The following IL15 variants were observed in gnomAD, a reference collection of about 807,000 sequenced individuals.
IL15 encodes the protein interleukin 15, also known as interleukin-15.
IL15 carries 11 observed loss-of-function variants against 19.6 expected under a neutral mutation model. The observed-to-expected ratio is 0.56, with a 90% CI of 0.35 to 0.93. The LOEUF is 0.93. Ranked by LOEUF, IL15 falls within the 40% of genes least tolerant of loss-of-function variation. The pLI, the probability that IL15 is intolerant of heterozygous loss-of-function variation, is 0.01. For missense variants in IL15, 197 were observed against 186.5 expected, an observed-to-expected ratio of 1.06 and a Z score of -0.33; for synonymous variants, 58 against 59.6, an observed-to-expected ratio of 0.97 and a Z score of 0.12.
At chr4:141,640,479 T>C (rs1727004738) in intron 1 of IL15, among the ~76,000 whole-genome samples, 1 of 152,228 alleles carries the variant, frequency 6.6e-6, no homozygotes, top group Non-Finnish European at 1.5e-5. Flanking sequence ...ACTAAAATGC[T>C]GCTATCCTTA....
intron 5 of IL15, among the ~76,000 whole-genome samples, chr4:141,723,482 G>C (rs890340932): frequency 6.6e-5 from 10 of 152,284 alleles, no homozygotes; most frequent in African/African-American, 2.4e-4. Flanking sequence ...GAACCTTGGG[G>C]AAGTCAAGAA....
At chr4:141,731,208 A>G (rs1339824529) in intron 7 of IL15, among the ~76,000 whole-genome samples, 1 of 152,096 alleles carries the variant, frequency 6.6e-6, no homozygotes, top group Non-Finnish European at 1.5e-5. Context: ...TGATTTACCT[A>G]TTTACAGTTG....
At chr4:141,663,453 T>G (rs1727858272) in intron 2 of IL15, among the ~76,000 whole-genome samples, 2 of 152,184 alleles carry the variant, frequency 1.3e-5, no homozygotes, top group African/African-American at 2.4e-5. Flanking sequence ...AGACTCAGGG[T>G]AAACTATCCA....
intron 1 of IL15, among the ~76,000 whole-genome samples, chr4:141,637,497 A>C (rs1726899425): frequency 6.6e-6 from 1 of 152,080 alleles, no homozygotes; most frequent in South Asian, 2.1e-4. Context: ...TGGAAAAAAT[A>C]CGAGCGAATT....
At chr4:141,637,368 G>C (rs1726895389) in intron 1 of IL15, 1 of 152,398 alleles carries the variant, frequency 6.6e-6, no homozygotes, top group South Asian at 2.1e-4. Context: ...TTCTGGGAGA[G>C]AAATTTGCAG....
intron 1 of IL15, among the ~76,000 whole-genome samples, chr4:141,638,779 C>A (rs1304149646): frequency 1.3e-5 from 2 of 152,194 alleles, no homozygotes; most frequent in African/African-American, 4.8e-5. Flanking sequence ...GCTAGAAGAG[C>A]AGCCCTGAAA....
chr4:141,663,889 T>C (rs2152163439), intron 2 of IL15, among the ~76,000 whole-genome samples: 1 of 151,990 alleles, frequency 6.6e-6, no homozygotes, highest in South Asian at 2.1e-4. Flanking sequence ...GAGTAGGAGG[T>C]CAGAGAGAAA....
rs969735745 is a variant in IL15, at chr4:141,721,964, G to A, written c.151G>A (p.Val51Met). Residue 51 changes from valine (V) to methionine (M), a missense_variant, in exon 5 of 8, where the codon GTG (valine) becomes ATG (methionine). Coordinates refer to ENST00000320650, the MANE Select transcript of IL15 (RefSeq NM_000585.5). ...GCTTCCTAAAACAGAAGCCAACTGG[G>A]TGAATGTAATAAGTGATTTGAAAAA... Reference protein sequence around the residue: ...AGLPKTEANWVNVISDLKKIE... With the variant: ...AGLPKTEANWMNVISDLKKIE... 4 of 1,595,508 alleles carry A rather than the reference G, an allele frequency of 2.5e-6. No homozygotes were observed. Among genetic ancestry groups the A allele is most frequent in the Non-Finnish European group, 3.4e-6 (4 of 1,166,188 alleles).
chr4:141,684,995 T>A (rs1350951284), intron 2 of IL15, among the ~76,000 whole-genome samples: 1 of 152,120 alleles, frequency 6.6e-6, no homozygotes, highest in African/African-American at 2.4e-5. Flanking sequence ...TGAAATAGTG[T>A]AAGTCAAAAC....
At chr4:141,718,851 G>A (rs1486646350) in intron 2 of IL15, 1 of 151,902 alleles carries the variant, frequency 6.6e-6, no homozygotes, top group African/African-American at 2.4e-5. Context: ...TTGAATTTAG[G>A]GATGTTTAAT....
chr4:141,670,373 T>C lies in IL15; in HGVS notation c.-100+14066T>C, dbSNP rs1017946700. ...TATGGGATTAAAGGGGGTTATAGCC[T>C]TTCAAAATTGACTTAAATAAAGGCA... On this transcript the variant is annotated intron_variant, in intron 2 of 7. Coordinates refer to ENST00000320650, the MANE Select transcript of IL15 (RefSeq NM_000585.5). Among the ~76,000 whole-genome samples the C allele has an allele frequency of 1.6e-4, 25 of 152,268 alleles. 1 individual carries two copies. In the East Asian group the frequency reaches 4.4e-3, roughly 27 times the overall value.
chr4:141,709,620 T>C lies in IL15; in HGVS notation c.-99-9746T>C, dbSNP rs139472483. On this transcript the variant is annotated intron_variant, in intron 2 of 7. Coordinates refer to ENST00000320650, the MANE Select transcript of IL15 (RefSeq NM_000585.5). ...TATCAATGCTAGCCTTACTGATTTC[T>C]GTATATGTTTAAATTTCTAAAAACT... Among the ~76,000 whole-genome samples, 17 of 152,358 alleles carry C rather than the reference T, an allele frequency of 1.1e-4. No homozygotes were observed. The East Asian group carries it at 3.1e-3, about 28-fold the overall frequency.
At chr4:141,649,535 A>G (rs1319182699) in intron 1 of IL15, among the ~76,000 whole-genome samples, 2 of 152,086 alleles carry the variant, frequency 1.3e-5, no homozygotes, top group African/African-American at 2.4e-5. Flanking sequence ...ATAAAGATTA[A>G]AAGAGAGGAG....
chr4:141,708,375 C>T (rs1049002947), intron 2 of IL15, among the ~76,000 whole-genome samples: 3 of 152,128 alleles, frequency 2.0e-5, no homozygotes, highest in Non-Finnish European at 2.9e-5. Flanking sequence ...TTGCTATTGG[C>T]TCCTACTAGT....
chr4:141,674,875 C>T (rs1728287430), intron 2 of IL15, among the ~76,000 whole-genome samples: 2 of 152,076 alleles, frequency 1.3e-5, no homozygotes, highest in South Asian at 4.1e-4. Flanking sequence ...ATTAAAATAA[C>T]ACCATTACTT....
rs570680063 is a variant in IL15, at chr4:141,657,559, T to G, written c.-100+1252T>G. On this transcript the variant is annotated intron_variant, in intron 2 of 7. Transcript: ENST00000320650. ...AATGTTTCTCTTTACATCCTTATTC[T>G]GTAAGCTTTTTTTCTGTTTTTAAAA... Among the ~76,000 whole-genome samples the G allele has an allele frequency of 7.2e-5, 11 of 152,240 alleles. No homozygotes were observed. In the South Asian group the frequency reaches 2.3e-3, roughly 32 times the overall value.
rs191121950 is a variant in IL15, at chr4:141,664,597, C to T, written c.-100+8290C>T. The stretch of plus-strand genomic sequence containing the variant: ...ATAAAAAGAATTGCAAATAGCATTT[C>T]AGCTCATAAAAAAGATATTCAGCCC... On this transcript the variant is annotated intron_variant, in intron 2 of 7. Coordinates refer to ENST00000320650, the MANE Select transcript of IL15 (RefSeq NM_000585.5). Among the ~76,000 whole-genome samples, 171 of 152,186 alleles carry T rather than the reference C, an allele frequency of 1.1e-3. 1 individual carries two copies. The highest frequency in any genetic ancestry group is 3.9e-3 in the Admixed American group (59 of 15,294).
At chr4:141,700,911 T>C (rs1331413436) in intron 2 of IL15, among the ~76,000 whole-genome samples, 9 of 152,250 alleles carry the variant, frequency 5.9e-5, no homozygotes, top group Admixed American at 3.9e-4. Context: ...TCTAGTCTAT[T>C]GTTGAAACTT....
intron 2 of IL15, chr4:141,715,516 A>G (rs770325882): frequency 3.3e-5 from 5 of 152,176 alleles, no homozygotes; most frequent in Admixed American, 6.5e-5. Flanking sequence ...TAATTATAAT[A>G]ACTTATTTGT....
Sources: allele counts gnomAD v4.1 joint callset (sites outside exome capture counted in the v4.1 genomes callset), GRCh38; gene constraint gnomAD v4.1.1; transcripts MANE v1.5; gene names NCBI Gene and HGNC (gene_info 2026-07-23, HGNC 2026-07-21).